UBR2: variants seen among roughly 807,000 people sequenced by gnomAD.
UBR2 encodes ubiquitin protein ligase E3 component n-recognin 2.
Under a neutral mutation model 247.9 loss-of-function variants are expected in UBR2, and 92 were observed. The observed-to-expected ratio is 0.37, with a 90% confidence interval of 0.31 to 0.44. The LOEUF (loss-of-function observed/expected upper bound fraction) is 0.44, where lower values mean the gene tolerates loss of function less well. UBR2 is among the 20% of genes least tolerant of loss of function. The pLI is 1.00. For missense variants in UBR2, 1,613 were observed against 2,112.6 expected, an observed-to-expected ratio of 0.76 and a Z score of 4.64; for synonymous variants, 672 against 693.5, an observed-to-expected ratio of 0.97 and a Z score of 0.49.
chr6:42,616,104 C>T lies in UBR2; in HGVS notation c.1182+14C>T. 1 of 1,586,996 alleles carries T rather than the reference C, an allele frequency of 6.3e-7. No homozygotes were observed. The highest frequency in any genetic ancestry group is 8.6e-7 in the Non-Finnish European group (1 of 1,166,674). On this transcript the variant is annotated intron_variant, in intron 10 of 46. Coordinates refer to ENST00000372901, the MANE Select transcript of UBR2 (RefSeq NM_001363705.2). ...CGATTTGCAAAAGTAAGTGGCTTTT[C>T]AATTTTGAAAATAGGTTATATATAG...
intron 30 of UBR2, among the ~76,000 whole-genome samples, chr6:42,660,276 T>G (rs1386296165): frequency 6.6e-6 from 1 of 152,136 alleles, no homozygotes; most frequent in East Asian, 1.9e-4. Context: ...TGAGCCAAAT[T>G]GTTTTAGAAT....
At chr6:42,595,500 CT>C (rs1792909410) in intron 4 of UBR2, among the ~76,000 whole-genome samples, 1 of 152,146 alleles carries the variant, frequency 6.6e-6, no homozygotes, top group African/African-American at 2.4e-5. Flanking sequence ...AATACCAATA[CT>C]TTGGGAAGCC....
chr6:42,596,588 A>C (rs1042805710), intron 4 of UBR2, among the ~76,000 whole-genome samples: 1 of 152,220 alleles, frequency 6.6e-6, no homozygotes, highest in African/African-American at 2.4e-5. Context: ...CCAAATGTCC[A>C]TCAGTGAATG....
intron 30 of UBR2, among the ~76,000 whole-genome samples, chr6:42,660,318 A>G (rs969351854): frequency 6.6e-6 from 1 of 152,156 alleles, no homozygotes; most frequent in Non-Finnish European, 1.5e-5. Context: ...GTTCCCCAGA[A>G]AGCAGATTCT....
chr6:42,668,209 G>A (rs1392164670), intron 34 of UBR2, among the ~76,000 whole-genome samples: 3 of 152,106 alleles, frequency 2.0e-5, no homozygotes, highest in Non-Finnish European at 4.4e-5. Flanking sequence ...TCTGGATTGA[G>A]TATCTTCCTC....
At chr6:42,567,431 C>T (rs1471539290) in intron 1 of UBR2, among the ~76,000 whole-genome samples, 4 of 151,952 alleles carry the variant, frequency 2.6e-5, no homozygotes, top group Non-Finnish European at 4.4e-5. Context: ...TGAGTGATTA[C>T]GGTTTTAAAA....
chr6:42,679,966 T>C, intron 42 of UBR2, 134 bp downstream of exon 42: 1 of 612,414 alleles, frequency 1.6e-6, no homozygotes, highest in South Asian at 2.1e-5. Flanking sequence ...CTATAATGGG[T>C]GGGCCTTTTG....
intron 4 of UBR2, among the ~76,000 whole-genome samples, chr6:42,595,424 A>G (rs929217019): frequency 2.0e-5 from 3 of 152,142 alleles, no homozygotes; most frequent in African/African-American, 7.2e-5. Context: ...AGTAGGCCTG[A>G]TATAGATTTG....
chr6:42,609,571 A>T (rs1793930791), intron 7 of UBR2, among the ~76,000 whole-genome samples: 1 of 152,082 alleles, frequency 6.6e-6, no homozygotes, highest in Admixed American at 6.6e-5. Flanking sequence ...AAAAAAAAAT[A>T]AAAAGGAGTA....
chr6:42,583,258 T>G (rs764332181), intron 2 of UBR2, among the ~76,000 whole-genome samples: 2 of 152,224 alleles, frequency 1.3e-5, no homozygotes, highest in African/African-American at 2.4e-5. Flanking sequence ...TTTTATTTAT[T>G]TATTTTTTGA....
chr6:42,634,427 T>C (rs1330432504), intron 13 of UBR2: 2 of 179,048 alleles, frequency 1.1e-5, no homozygotes, highest in Non-Finnish European at 2.4e-5. Flanking sequence ...CTTACCATTT[T>C]TATTTTTATT....
intron 40 of UBR2, among the ~76,000 whole-genome samples, chr6:42,677,865 G>T (rs1283174348): frequency 1.3e-5 from 2 of 152,174 alleles, no homozygotes; most frequent in African/African-American, 4.8e-5. Flanking sequence ...ATATAGTGAT[G>T]AATGTGTTCC....
chr6:42,635,639 A>T, intron 14 of UBR2, 93 bp downstream of exon 14: 2 of 1,430,106 alleles, frequency 1.4e-6, no homozygotes, highest in South Asian at 2.8e-5. Flanking sequence ...TCTGGAGAAA[A>T]TAGTGGTGAT....
At chr6:42,688,738 T>C (rs1799589894) in intron 45 of UBR2, among the ~76,000 whole-genome samples, 1 of 152,216 alleles carries the variant, frequency 6.6e-6, no homozygotes, top group Non-Finnish European at 1.5e-5. Flanking sequence ...TTACCTCCAC[T>C]TATACATATT....
At chr6:42,613,951 G>C (rs1018915219) in intron 8 of UBR2, among the ~76,000 whole-genome samples, 5 of 150,958 alleles carry the variant, frequency 3.3e-5, no homozygotes, top group African/African-American at 1.2e-4. Context: ...AAGGCAAGTG[G>C]GTCACTTGAG....
chr6:42,643,874 A>C (rs1012864208), intron 18 of UBR2, among the ~76,000 whole-genome samples: 1 of 152,176 alleles, frequency 6.6e-6, no homozygotes, highest in Non-Finnish European at 1.5e-5. Flanking sequence ...GAGAACCCCA[A>C]AATAAAATTT....
chr6:42,565,595 T>C (rs946519964), intron 1 of UBR2, among the ~76,000 whole-genome samples: 2 of 152,110 alleles, frequency 1.3e-5, no homozygotes, highest in South Asian at 2.1e-4. Context: ...AGTTTCGCTT[T>C]CGATGCCCAG....
chr6:42,657,052 T>G (rs971847914), intron 26 of UBR2, among the ~76,000 whole-genome samples: 22 of 151,908 alleles, frequency 1.4e-4, no homozygotes, highest in African/African-American at 5.1e-4. Flanking sequence ...CTGGCCAACA[T>G]GACGAAACCC....
At chr6:42,643,768 G>T (rs568003162) in intron 18 of UBR2, among the ~76,000 whole-genome samples, 63 of 152,052 alleles carry the variant, frequency 4.1e-4, no homozygotes, top group Middle Eastern at 3.4e-3. Flanking sequence ...AAAAAAATAG[G>T]TTAGGAGATC....
Sources: gnomAD v4.1 joint callset for allele counts (sites outside exome capture counted in the v4.1 genomes callset) on GRCh38, gnomAD v4.1.1 for gene constraint, MANE v1.5 for transcripts, NCBI Gene and HGNC (gene_info 2026-07-23, HGNC 2026-07-21) for gene names.